IMPG1: variants seen among roughly 807,000 people sequenced by gnomAD.
IMPG1 encodes interphotoreceptor matrix proteoglycan 1, also known as interphotoreceptor matrix proteoglycan of 150 kDa.
Under a neutral mutation model 92.0 loss-of-function variants are expected in IMPG1, and 85 were observed. That is an observed-to-expected ratio of 0.92 (90% confidence interval 0.78 to 1.11). IMPG1 has a LOEUF of 1.11. Ranked by LOEUF, IMPG1 falls within the 50% of genes least tolerant of loss-of-function variation. IMPG1 has a pLI of 0.00. For missense variants in IMPG1, 1,022 were observed against 956.0 expected (o/e 1.07, Z -0.91); for synonymous variants, 367 against 334.1 (o/e 1.10, Z -1.08).
chr6:76,057,685 T>C (rs1158693594), intron 1 of IMPG1, among the ~76,000 whole-genome samples: 1 of 152,124 alleles, frequency 6.6e-6, no homozygotes, highest in Non-Finnish European at 1.5e-5. Context: ...TTATTACTCA[T>C]GAGTGCTTAA....
At chr6:76,002,169 T>A (rs1324048757) in intron 12 of IMPG1, among the ~76,000 whole-genome samples, 1 of 152,222 alleles carries the variant, frequency 6.6e-6, no homozygotes, top group East Asian at 1.9e-4. Context: ...CTTGTAGTTT[T>A]ACCACAGGGC....
At chr6:75,931,838 G>T (rs914022764) in intron 14 of IMPG1, among the ~76,000 whole-genome samples, 6 of 152,186 alleles carry the variant, frequency 3.9e-5, no homozygotes, top group Non-Finnish European at 8.8e-5. Context: ...TTTGGGAAGT[G>T]GATTAGAAAT....
rs371197189 is a variant in IMPG1 at position 75,947,408 on chromosome 6, G to T, written c.1950C>A (p.Thr650=). 5 of 1,613,736 alleles carry T rather than the reference G, an allele frequency of 3.1e-6. No homozygotes were observed. The highest frequency in any genetic ancestry group is 4.2e-6 in the Non-Finnish European group (5 of 1,179,868). ...KFAKSVPYNL[T]KAVHGVLEDF... is the part of the protein sequence containing the mutation. Reference sequence around the variant, plus strand: ...CCTCCAAGACCCCGTGCACAGCCTTGGTGAGGTTATACGGCACTGACTTAG... The same window carrying T: ...CCTCCAAGACCCCGTGCACAGCCTTTGTGAGGTTATACGGCACTGACTTAG... Residue 650 remains threonine (T), a synonymous_variant, in exon 14 of 17, where the codon ACC becomes ACA. Transcript: ENST00000369950.
intron 9 of IMPG1, among the ~76,000 whole-genome samples, chr6:76,007,184 C>CTT (rs1562367298): frequency 1.3e-5 from 2 of 151,910 alleles, no homozygotes; most frequent in African/African-American, 4.8e-5. Context: ...ATAAATTATG[C>CTT]TTGCAGCACA....
At chr6:75,951,223 A>ATT (rs11414729) in intron 12 of IMPG1, 129 bp from the exon 13 acceptor site, 17,093 of 580,260 alleles carry the variant, frequency 0.029, 91 homozygotes, top group Non-Finnish European at 0.035. Flanking sequence ...TTCAATAGTC[A>ATT]TTTTTTTTTT....
At chr6:75,998,078 G>A (rs1361135774) in intron 12 of IMPG1, among the ~76,000 whole-genome samples, 2 of 152,176 alleles carry the variant, frequency 1.3e-5, no homozygotes, top group Non-Finnish European at 2.9e-5. Context: ...GCACAAGAAC[G>A]TGACAATGAA....
At chr6:76,004,067 A>T in intron 10 of IMPG1, 117 bp from the exon 11 acceptor site, 1 of 682,662 alleles carries the variant, frequency 1.5e-6, no homozygotes, top group Non-Finnish European at 2.5e-6. Flanking sequence ...GAGTAGTACA[A>T]CAAATCATTA....
chr6:75,956,979 G>T (rs748463479), intron 12 of IMPG1, among the ~76,000 whole-genome samples: 1 of 152,084 alleles, frequency 6.6e-6, no homozygotes, highest in Non-Finnish European at 1.5e-5. Flanking sequence ...GAGTGCAGTG[G>T]CATGATCTCA....
At chr6:76,016,568 G>C (rs1783291810) in intron 7 of IMPG1, among the ~76,000 whole-genome samples, 1 of 152,184 alleles carries the variant, frequency 6.6e-6, no homozygotes, top group African/African-American at 2.4e-5. Flanking sequence ...GCTGAATGCT[G>C]ATGCAGAGAG....
intron 1 of IMPG1, among the ~76,000 whole-genome samples, chr6:76,043,873 C>T (rs1264456238): frequency 2.0e-5 from 3 of 152,172 alleles, no homozygotes; most frequent in South Asian, 2.1e-4. Flanking sequence ...CATCAAATTC[C>T]CCTGATGATG....
intron 7 of IMPG1, among the ~76,000 whole-genome samples, chr6:76,014,866 C>A (rs555944639): frequency 4.8e-4 from 73 of 152,244 alleles, no homozygotes; most frequent in African/African-American, 1.6e-3. Flanking sequence ...TCTTTGTGAA[C>A]CTATCTGGGA....
chr6:75,988,988 G>A (rs1782769022), intron 12 of IMPG1, among the ~76,000 whole-genome samples: 1 of 152,094 alleles, frequency 6.6e-6, no homozygotes, highest in Admixed American at 6.5e-5. Context: ...CCATTAAAAG[G>A]CCCTTTTAGC....
chr6:75,997,248 T>G (rs1404766923), intron 12 of IMPG1, among the ~76,000 whole-genome samples: 1 of 152,318 alleles, frequency 6.6e-6, no homozygotes, highest in African/African-American at 2.4e-5. Context: ...AGCAATAAAC[T>G]TCTGTTAGGA....
chr6:76,005,242 T>C, intron 10 of IMPG1, 45 bp downstream of exon 10: 1 of 1,590,474 alleles, frequency 6.3e-7, no homozygotes, highest in Non-Finnish European at 8.6e-7. Flanking sequence ...TCTTAGTCTC[T>C]GCCAAAATGA....
chr6:76,038,574 A>G (rs1178353499), intron 2 of IMPG1, among the ~76,000 whole-genome samples: 1 of 152,196 alleles, frequency 6.6e-6, no homozygotes, highest in Admixed American at 6.5e-5. Flanking sequence ...AAATTGAGGC[A>G]TCAAAGGACC....
At position 76,072,574 on chromosome 6, in the gene IMPG1, A is replaced by G; in HGVS notation, c.-86T>C. 2.6e-6 allele frequency: 2 copies of G among 772,700 alleles called. No individual in the cohort carries two copies. Among genetic ancestry groups the G allele is most frequent in the Non-Finnish European group, 4.3e-6 (2 of 468,334 alleles). 47.9% of individuals were successfully genotyped at this position (772,700 alleles called of 1,614,324 possible). A position where few individuals can be genotyped will look rare whatever the true frequency, so the allele number is the denominator to read the frequency against. On this transcript the variant is annotated 5_prime_UTR_variant, in exon 1 of 17. Transcript: ENST00000369950. ...AAAAGTAACAGAAATGTGAAAAATAATTATATATTGATACCAGATGATTGA... is the reference window on the plus strand; with the variant it reads ...AAAAGTAACAGAAATGTGAAAAATAGTTATATATTGATACCAGATGATTGA...
intron 1 of IMPG1, among the ~76,000 whole-genome samples, chr6:76,047,669 A>C (rs975050557): frequency 2.0e-5 from 3 of 152,108 alleles, no homozygotes; most frequent in Non-Finnish European, 4.4e-5. Context: ...CAGAGATGCA[A>C]TACATATTAA....
At chr6:75,984,169 A>G (rs1267499315) in intron 12 of IMPG1, among the ~76,000 whole-genome samples, 2 of 152,238 alleles carry the variant, frequency 1.3e-5, no homozygotes, top group Non-Finnish European at 2.9e-5. Flanking sequence ...AGTTCCACAA[A>G]AAATTAAAAA....
intron 1 of IMPG1, among the ~76,000 whole-genome samples, chr6:76,060,255 T>C (rs1456179429): frequency 1.3e-5 from 2 of 152,194 alleles, no homozygotes; most frequent in African/African-American, 4.8e-5. Context: ...GGAAAATATT[T>C]ATTGACTGAA....
Sources: allele counts gnomAD v4.1 joint callset (sites outside exome capture counted in the v4.1 genomes callset), GRCh38; gene constraint gnomAD v4.1.1; transcripts MANE v1.5; gene names NCBI Gene and HGNC (gene_info 2026-07-23, HGNC 2026-07-21).